Variants in CLSTN2 observed in about 807,000 individuals in gnomAD.
CLSTN2 encodes the protein calsyntenin-2.
CLSTN2 carries 48 observed loss-of-function variants against 101.2 expected under a neutral mutation model. That is an observed-to-expected ratio of 0.47 (90% CI 0.38 to 0.60). The LOEUF (loss-of-function observed/expected upper bound fraction) is 0.60. Among genes scored for constraint, CLSTN2 ranks in the 20% least tolerant of loss-of-function variants. The pLI is 0.00. For synonymous variants in CLSTN2, 481 were observed against 463.6 expected (o/e 1.04, Z -0.48); for missense variants, 1,160 against 1,238.2 (o/e 0.94, Z 0.95).
At chr3:139,936,104 C>T (rs1344044790) in intron 1 of CLSTN2, among the ~76,000 whole-genome samples, 1 of 152,158 alleles carries the variant, frequency 6.6e-6, no homozygotes, top group Non-Finnish European at 1.5e-5. Flanking sequence ...TACCGAGGAC[C>T]GAGGAGCCTA....
intron 5 of CLSTN2, among the ~76,000 whole-genome samples, chr3:140,436,646 A>T (rs914029545): frequency 1.3e-5 from 2 of 152,342 alleles, no homozygotes; most frequent in Middle Eastern, 3.4e-3. Context: ...TCCTGGCCAC[A>T]TGAGCAGCAG....
intron 1 of CLSTN2, among the ~76,000 whole-genome samples, chr3:140,047,434 T>C (rs1196568210): frequency 1.3e-5 from 2 of 152,210 alleles, no homozygotes; most frequent in African/African-American, 4.8e-5. Context: ...CTAACTGCCA[T>C]ATAATATTCT....
chr3:140,292,158 T>A (rs962314720), intron 2 of CLSTN2, among the ~76,000 whole-genome samples: 25 of 152,130 alleles, frequency 1.6e-4, no homozygotes, highest in African/African-American at 6.0e-4. Context: ...TCCCAAGCAC[T>A]CCTCTTGCCA....
intron 2 of CLSTN2, 57 bp from the exon 3 acceptor site, chr3:140,403,570 ACT>A: frequency 7.2e-7 from 1 of 1,396,754 alleles, no homozygotes; most frequent in South Asian, 1.3e-5. Flanking sequence ...CAATGGAAGC[ACT>A]GTCTTCAGTC....
intron 1 of CLSTN2, among the ~76,000 whole-genome samples, chr3:139,958,583 G>A (rs375082280): frequency 6.6e-6 from 1 of 151,880 alleles, no homozygotes; most frequent in Non-Finnish European, 1.5e-5. Context: ...GATGTACCAG[G>A]TGGGCTGGGG....
chr3:140,280,451 G>C (rs2086834592), intron 2 of CLSTN2, among the ~76,000 whole-genome samples: 1 of 152,132 alleles, frequency 6.6e-6, no homozygotes, highest in Non-Finnish European at 1.5e-5. Flanking sequence ...GGTAGAAGGA[G>C]AAAGGGCAGC....
At chr3:140,340,384 C>T (rs562793597) in intron 2 of CLSTN2, among the ~76,000 whole-genome samples, 3 of 152,100 alleles carry the variant, frequency 2.0e-5, no homozygotes, top group African/African-American at 4.8e-5. Context: ...TGTAGAATAA[C>T]CTTTATCTGG....
chr3:139,936,300 T>A (rs1292314916), intron 1 of CLSTN2, among the ~76,000 whole-genome samples: 4 of 151,770 alleles, frequency 2.6e-5, no homozygotes, highest in Non-Finnish European at 5.9e-5. Context: ...GGGCCGGGTC[T>A]GAAACAGGAG....
At chr3:140,398,379 G>C (rs576352899) in intron 2 of CLSTN2, among the ~76,000 whole-genome samples, 7 of 152,134 alleles carry the variant, frequency 4.6e-5, no homozygotes, top group Non-Finnish European at 7.4e-5. Flanking sequence ...CTACATGTAT[G>C]CTTTGATGAA....
chr3:140,016,716 T>C (rs1447141839), intron 1 of CLSTN2, among the ~76,000 whole-genome samples: 2 of 149,308 alleles, frequency 1.3e-5, no homozygotes, highest in Non-Finnish European at 3.0e-5. Flanking sequence ...GGAGAATCGC[T>C]TGAACCTCAG....
intron 1 of CLSTN2, among the ~76,000 whole-genome samples, chr3:139,972,574 C>T (rs529582649): frequency 5.9e-5 from 9 of 152,292 alleles, no homozygotes; most frequent in African/African-American, 2.2e-4. Flanking sequence ...AAAATGACTG[C>T]AACCCCAGTT....
intron 2 of CLSTN2, among the ~76,000 whole-genome samples, chr3:140,388,298 C>A (rs2088075871): frequency 1.3e-5 from 2 of 152,144 alleles, no homozygotes; most frequent in South Asian, 4.1e-4. Flanking sequence ...AGGAAAATAC[C>A]ATTGTAATTT....
intron 2 of CLSTN2, among the ~76,000 whole-genome samples, chr3:140,356,451 A>G (rs1298133661): frequency 6.6e-6 from 1 of 152,112 alleles, no homozygotes; most frequent in Non-Finnish European, 1.5e-5. Context: ...GAAAACAATT[A>G]TCCTTAATTA....
At chr3:140,555,080 C>CA (rs1331324690) in intron 10 of CLSTN2, among the ~76,000 whole-genome samples, 1 of 152,196 alleles carries the variant, frequency 6.6e-6, no homozygotes, top group Non-Finnish European at 1.5e-5. Flanking sequence ...TATAGATTGG[C>CA]TGCAGCTCTG....
Position 140,566,373 on chromosome 3 carries a change from GCTTC to G in CLSTN2, c.*123_*126del. 1 of 990,196 alleles carries G rather than the reference GCTTC, an allele frequency of 1.0e-6. No individual in the cohort carries two copies. Among genetic ancestry groups the G allele is most frequent in the Non-Finnish European group, 1.5e-6 (1 of 658,706 alleles). 61.3% of individuals were successfully genotyped at this position (990,196 alleles called of 1,614,324 possible). A position where few individuals can be genotyped will look rare whatever the true frequency, so the allele number is the denominator to read the frequency against. ...GACATGTCTGGGAAGGCCTTCTCCAGCTTCCTGGAGCCCACCCTTTAAGCCTTGG... is the reference window on the plus strand; with the variant it reads ...GACATGTCTGGGAAGGCCTTCTCCAGCTGGAGCCCACCCTTTAAGCCTTGG... On this transcript the variant is annotated 3_prime_UTR_variant, in exon 17 of 17. Coordinates refer to ENST00000458420, the MANE Select transcript of CLSTN2 (RefSeq NM_022131.3).
chr3:140,528,776 A>T (rs1447299688), intron 8 of CLSTN2, among the ~76,000 whole-genome samples: 4 of 152,212 alleles, frequency 2.6e-5, no homozygotes, highest in Non-Finnish European at 5.9e-5. Flanking sequence ...AGGTGAGAAG[A>T]ATCTCTCCAT....
At chr3:140,488,057 C>T (rs1190762117) in intron 8 of CLSTN2, among the ~76,000 whole-genome samples, 1 of 152,106 alleles carries the variant, frequency 6.6e-6, no homozygotes, top group African/African-American at 2.4e-5. Context: ...TATTACAAAA[C>T]ACTAAAAATA....
chr3:139,994,854 A>T (rs1936175763), intron 1 of CLSTN2, among the ~76,000 whole-genome samples: 1 of 152,184 alleles, frequency 6.6e-6, no homozygotes, highest in East Asian at 1.9e-4. Context: ...TTCCTTTGCC[A>T]CTAAGGAGTT....
At position 140,240,174 on chromosome 3, in the gene CLSTN2, C is replaced by CTCTA. The variant is rs1311225528; in HGVS notation, c.232+64102_232+64103insCTAT. ...TCTGTCTCTCTCTCTCTCTCTCTCT[C>CTCTA]TATATATATATATATATATATATAT... On this transcript the variant is annotated intron_variant, in intron 2 of 16. Coordinates refer to ENST00000458420, the MANE Select transcript of CLSTN2 (RefSeq NM_022131.3). Among the ~76,000 whole-genome samples the CTCTA allele has an allele frequency of 2.0e-3, 27 of 13,338 alleles. 1 individual carries two copies. Among genetic ancestry groups the CTCTA allele is most frequent in the Non-Finnish European group, 3.9e-3 (11 of 2,818 alleles). 8.8% of individuals were successfully genotyped at this position (13,338 alleles called of 152,430 possible). A position where few individuals can be genotyped will look rare whatever the true frequency, so the allele number is the denominator to read the frequency against.
Sources: gnomAD v4.1 joint callset for allele counts (sites outside exome capture counted in the v4.1 genomes callset) on GRCh38, gnomAD v4.1.1 for gene constraint, MANE v1.5 for transcripts, NCBI Gene and HGNC (gene_info 2026-07-23, HGNC 2026-07-21) for gene names.